The following ATXN1 variants were observed in gnomAD, a reference collection of about 807,000 sequenced individuals.
ATXN1 encodes ataxin 1.
In ATXN1, 8 loss-of-function variants were observed where a neutral mutation model predicts 56.4. The observed-to-expected ratio is 0.14, with a 90% CI of 0.08 to 0.26. ATXN1 has a LOEUF of 0.26. Among genes scored for constraint, ATXN1 ranks in the 10% least tolerant of loss-of-function variants. The pLI is 1.00. For missense variants in ATXN1, 987 were observed against 1,106.5 expected (o/e 0.89, Z 1.53); for synonymous variants, 514 against 494.6 (o/e 1.04, Z -0.52).
At chr6:16,337,476 C>A (rs1469062469) in intron 6 of ATXN1, among the ~76,000 whole-genome samples, 1 of 152,232 alleles carries the variant, frequency 6.6e-6, no homozygotes, top group Non-Finnish European at 1.5e-5. Flanking sequence ...GCCAGTGTCT[C>A]TGGCGGCCTG....
chr6:16,330,596 G>A (rs993081566), intron 6 of ATXN1, among the ~76,000 whole-genome samples: 2 of 151,488 alleles, frequency 1.3e-5, no homozygotes, highest in Non-Finnish European at 2.9e-5. Context: ...TGCCATGTTG[G>A]CCAGGCTGGT....
At chr6:16,624,742 T>C (rs978911773) in intron 3 of ATXN1, among the ~76,000 whole-genome samples, 1 of 152,192 alleles carries the variant, frequency 6.6e-6, no homozygotes, top group Non-Finnish European at 1.5e-5. Flanking sequence ...CATTGCAACC[T>C]TGACACAACG....
intron 2 of ATXN1, among the ~76,000 whole-genome samples, chr6:16,676,728 T>C (rs1421468639): frequency 6.6e-6 from 1 of 152,236 alleles, no homozygotes; most frequent in Non-Finnish European, 1.5e-5. Context: ...GTTTCGGTTA[T>C]GGACTGCTTG....
chr6:16,639,360 G>A (rs2237168), intron 3 of ATXN1, among the ~76,000 whole-genome samples: 29,377 of 152,044 alleles, frequency 0.19, 3,322 homozygotes, highest in East Asian at 0.47. Flanking sequence ...CAAACCTATC[G>A]GAAGGAACCA....
rs1760016264 is a variant in ATXN1 at position 16,299,164 on chromosome 6, G to A, written c.*7165C>T. ...ACGAGTATACTGAAACAATAAACTTGTACTGGTATACAGACAATTTATTTA... is the reference window on the plus strand; with the variant it reads ...ACGAGTATACTGAAACAATAAACTTATACTGGTATACAGACAATTTATTTA... On this transcript the variant is annotated 3_prime_UTR_variant, in exon 8 of 8. Transcript: ENST00000436367. 1 of 152,530 alleles carries A rather than the reference G, an allele frequency of 6.6e-6. No homozygotes were observed. The highest frequency in any genetic ancestry group is 2.4e-5 in the African/African-American group (1 of 41,400). The allele number at this position is 152,530 out of a possible 1,614,324, so 9.4% of individuals were successfully genotyped here.
chr6:16,413,917 CAT>C (rs1425210069), intron 6 of ATXN1, among the ~76,000 whole-genome samples: 7 of 152,132 alleles, frequency 4.6e-5, no homozygotes, highest in African/African-American at 1.7e-4. Flanking sequence ...ATTCCTATAA[CAT>C]ATTTCTAAAA....
chr6:16,391,161 CAAA>C (rs35472967), intron 6 of ATXN1, among the ~76,000 whole-genome samples: 1 of 56,406 alleles, frequency 1.8e-5, no homozygotes, highest in Non-Finnish European at 3.5e-5. Flanking sequence ...GACTCCATCT[CAAA>C]AAAAAAAAAA....
At chr6:16,611,849 ATTTTT>A (rs369870821) in intron 3 of ATXN1, among the ~76,000 whole-genome samples, 20 of 75,176 alleles carry the variant, frequency 2.7e-4, no homozygotes, top group African/African-American at 9.3e-4. Context: ...AGCAGATGAA[ATTTTT>A]TTTTTTTTTT....
intron 6 of ATXN1, among the ~76,000 whole-genome samples, chr6:16,346,509 C>T (rs1483067917): frequency 6.6e-6 from 1 of 152,226 alleles, no homozygotes; most frequent in African/African-American, 2.4e-5. Flanking sequence ...CTTGCTCCCT[C>T]TTTGCATTTA....
chr6:16,366,638 G>A (rs754800701), intron 6 of ATXN1, among the ~76,000 whole-genome samples: 4 of 151,696 alleles, frequency 2.6e-5, no homozygotes, highest in East Asian at 1.9e-4. Context: ...AAAATTAGCC[G>A]GGCATGATGG....
intron 3 of ATXN1, 136 bp from the exon 4 acceptor site, chr6:16,586,043 G>GCACACACACACACACACACA (rs61369372): frequency 5.4e-5 from 8 of 148,286 alleles, no homozygotes; most frequent in African/African-American, 2.0e-4. Flanking sequence ...GCAAGCATGC[G>GCACACACACACACACACACA]CACACACACA....
In ATXN1 at chr6:16,645,831, G is replaced by C. The variant is rs372519955; in HGVS notation, c.-489+11945C>G. Among the ~76,000 whole-genome samples, 5 of 152,260 alleles carry C rather than the reference G, an allele frequency of 3.3e-5. No individual in the cohort carries two copies. The East Asian group carries it at 9.6e-4, about 29-fold the overall frequency. On this transcript the variant is annotated intron_variant, in intron 3 of 7. Coordinates refer to ENST00000436367, the MANE Select transcript of ATXN1 (RefSeq NM_001128164.2). ...AAACATGTTTCCAGAGTTTTGTTAA[G>C]GAAGCTTTGAAAACAGACTCCACCA...
chr6:16,347,555 C>T (rs1056783215), intron 6 of ATXN1, among the ~76,000 whole-genome samples: 1 of 152,038 alleles, frequency 6.6e-6, no homozygotes, highest in Non-Finnish European at 1.5e-5. Flanking sequence ...TGTAAACACA[C>T]CAATCAGCAC....
chr6:16,506,568 C>T lies in ATXN1; in HGVS notation c.-299+16059G>A, dbSNP rs752233731. On this transcript the variant is annotated intron_variant, in intron 5 of 7. Coordinates refer to ENST00000436367, the MANE Select transcript of ATXN1 (RefSeq NM_001128164.2). The surrounding 1 kb of genome is among the most constrained non-coding windows in gnomAD (Gnocchi z 4.1). Reference sequence around the variant, plus strand: ...CTCTGGAAAACACAGAATCCATTTACATGATGAATTCAATGATATATTATA... The same window carrying T: ...CTCTGGAAAACACAGAATCCATTTATATGATGAATTCAATGATATATTATA... 1.3e-5 allele frequency among the ~76,000 whole-genome samples: 2 copies of T among 152,154 alleles called. No individual in the cohort carries two copies. The highest frequency in any genetic ancestry group is 2.4e-5 in the African/African-American group (1 of 41,418).
intron 3 of ATXN1, among the ~76,000 whole-genome samples, chr6:16,622,321 T>C (rs1763332914): frequency 6.6e-6 from 1 of 152,110 alleles, no homozygotes; most frequent in Admixed American, 6.5e-5. Flanking sequence ...AGCTCAGGGC[T>C]CATAAAACCA....
chr6:16,328,209 G>A lies in ATXN1; in HGVS notation c.102C>T (p.Pro34=). ...TGCCCTCCACCCGGTGGTTGTCGCT[G>A]GGCAGGGTAGGGGCCTTCTCCTCGG... ...RSSEEKAPTL[P]SDNHRVEGTA... Residue 34 remains proline (P), a synonymous_variant, in exon 7 of 8, where the codon CCC becomes CCT. Transcript: ENST00000436367. This position sits in a 1 kb window ranked among gnomAD's most constrained non-coding sequence, Gnocchi z 6.2. 2 of 1,597,390 alleles carry A rather than the reference G, an allele frequency of 1.3e-6. No homozygotes were observed. The highest frequency in any genetic ancestry group is 1.1e-5 in the South Asian group (1 of 89,340).
At chr6:16,719,902 C>T (rs1331821954) in intron 2 of ATXN1, among the ~76,000 whole-genome samples, 15 of 152,140 alleles carry the variant, frequency 9.9e-5, no homozygotes, top group Non-Finnish European at 1.6e-4. Flanking sequence ...GAGTGTGGCC[C>T]GGCTGACACC....
chr6:16,632,098 T>C (rs895292939), intron 3 of ATXN1, among the ~76,000 whole-genome samples: 6 of 152,180 alleles, frequency 3.9e-5, no homozygotes, highest in African/African-American at 1.2e-4. Context: ...CAGCTAATGC[T>C]CTTAATGAGA....
intron 7 of ATXN1, among the ~76,000 whole-genome samples, chr6:16,325,754 A>G (rs187816644): frequency 2.0e-4 from 30 of 152,204 alleles, no homozygotes; most frequent in African/African-American, 7.0e-4. Flanking sequence ...TACCTAAATA[A>G]TAAGACATTA....
Sources: gnomAD v4.1 joint callset for allele counts (sites outside exome capture counted in the v4.1 genomes callset) on GRCh38, gnomAD v4.1.1 for gene constraint, Gnocchi (gnomAD v3.1) non-coding constraint, MANE v1.5 for transcripts, NCBI Gene and HGNC (gene_info 2026-07-23, HGNC 2026-07-21) for gene names.